Variants in TECTA observed in about 807,000 individuals in gnomAD.
TECTA encodes the protein tectorin alpha.
In TECTA, 128 loss-of-function variants were observed where a neutral mutation model predicts 216.8. The ratio of observed to expected loss-of-function variants is 0.59; its 90% confidence interval spans 0.51 to 0.68. The LOEUF (loss-of-function observed/expected upper bound fraction) is 0.68. TECTA is among the 30% of genes least tolerant of loss of function. The probability of loss-of-function intolerance (pLI) is 0.00; values close to 1 mark genes in which losing one functional copy is unlikely to be tolerated. For missense variants in TECTA, 2,551 were observed against 2,786.2 expected (o/e 0.92, Z 1.90); for synonymous variants, 1,089 against 1,117.1 (o/e 0.97, Z 0.50).
chr11:121,151,338 G>A (rs1335742857), intron 12 of TECTA, among the ~76,000 whole-genome samples: 2 of 152,140 alleles, frequency 1.3e-5, no homozygotes, highest in South Asian at 2.1e-4. Flanking sequence ...TGAGGGCAAA[G>A]GTATACATAC....
Position 121,166,755 on chromosome 11 carries a change from A to G in TECTA, c.5561A>G (p.Lys1854Arg). 2 of 1,614,116 alleles carry G rather than the reference A, an allele frequency of 1.2e-6. No individual in the cohort carries two copies. Among genetic ancestry groups the G allele is most frequent in the Non-Finnish European group, 8.5e-7 (1 of 1,179,998 alleles). ...DFISFQINNT[K>R]GNCGNIVQSN... is the part of the protein sequence containing the mutation. ...ATCTCCTTTCAGATCAACAACACCA[A>G]AGGGAATTGTGGAAACATTGTGCAG... Residue 1854 changes from lysine to arginine, a missense_variant, in exon 18 of 24, where the codon AAA becomes AGA. Lys to Arg is a conservative substitution (Grantham distance 26). This residue lies in a region of TECTA where 2,375 missense variants were observed against 2,563.9 expected (regional missense o/e 0.93). Transcript: ENST00000392793.
At chr11:121,178,330 C>A (rs1443470395) in intron 20 of TECTA, among the ~76,000 whole-genome samples, 2 of 152,146 alleles carry the variant, frequency 1.3e-5, no homozygotes, top group Non-Finnish European at 2.9e-5. Context: ...GGCTCCCAAC[C>A]GTTCTATTGT....
chr11:121,161,328 A>G (rs1051336705), intron 15 of TECTA, among the ~76,000 whole-genome samples: 1 of 152,274 alleles, frequency 6.6e-6, no homozygotes, highest in East Asian at 1.9e-4. Context: ...TGGCAAAGCC[A>G]GGACTAGATT....
At chr11:121,121,519 C>T (rs990330805) in intron 7 of TECTA, among the ~76,000 whole-genome samples, 8 of 152,156 alleles carry the variant, frequency 5.3e-5, no homozygotes, top group African/African-American at 1.7e-4. Flanking sequence ...GCTCTAAGCA[C>T]TGTGGGACAC....
Position 121,127,817 on chromosome 11 carries a change from T to C in TECTA, c.1840T>C (p.Cys614Arg). 1.2e-6 allele frequency: 2 copies of C among 1,614,184 alleles called. No individual in the cohort carries two copies. The highest frequency in any genetic ancestry group is 1.7e-6 in the Non-Finnish European group (2 of 1,180,038). ...SVCTSSCPDT[C>R]SDLTASRNCA... The stretch of plus-strand genomic sequence containing the variant: ...GTGCACAAGCAGCTGCCCCGACACA[T>C]GCTCCGACCTGACGGCCTCGCGGAA... The change falls in exon 9 of 24, where the codon TGC becomes CGC. Residue 614 changes from cysteine (C) to arginine (R), a missense_variant. This residue lies in a region of TECTA where 2,375 missense variants were observed against 2,563.9 expected (regional missense o/e 0.93). Transcript: ENST00000392793. The surrounding 1 kb of genome is among the most constrained non-coding windows in gnomAD (Gnocchi z 5.0).
intron 12 of TECTA, among the ~76,000 whole-genome samples, chr11:121,152,078 G>A (rs565825014): frequency 3.3e-5 from 5 of 152,332 alleles, no homozygotes; most frequent in African/African-American, 9.6e-5. Flanking sequence ...CAGAGAGCCC[G>A]AGTGACGCTC....
At chr11:121,161,540 T>TTC (rs1946998426) in intron 15 of TECTA, among the ~76,000 whole-genome samples, 2 of 4,692 alleles carry the variant, frequency 4.3e-4, no homozygotes, top group African/African-American at 6.1e-4. Flanking sequence ...CTTCCCTCCC[T>TTC]CCTTCCCTTC....
At chr11:121,158,349 A>G in intron 14 of TECTA, 125 bp downstream of exon 14, 1 of 1,309,406 alleles carries the variant, frequency 7.6e-7, no homozygotes, top group Non-Finnish European at 1.1e-6. Context: ...TGTTCCACAC[A>G]CAGTGACCAG....
rs150120329 is a variant in TECTA at position 121,167,749 on chromosome 11, A to G, written c.5587-305A>G. 2.2e-4 allele frequency among the ~76,000 whole-genome samples: 34 copies of G among 152,346 alleles called. No individual in the cohort carries two copies. In the East Asian group the frequency reaches 5.0e-3, roughly 22 times the overall value. ...TATTACCCAGCAATGGCAATAGTTC[A>G]TGCTATTCCTAGCTTGGGGTCCCAC... On this transcript the variant is annotated intron_variant, in intron 18 of 23. Coordinates refer to ENST00000392793, the MANE Select transcript of TECTA (RefSeq NM_005422.4).
chr11:121,157,773 G>T, intron 13 of TECTA, 68 bp from the exon 14 acceptor site: 1 of 1,609,700 alleles, frequency 6.2e-7, no homozygotes, highest in South Asian at 1.1e-5. Flanking sequence ...AGACGAGGGG[G>T]ACTGGGCTTT....
intron 8 of TECTA, 33 bp downstream of exon 8, chr11:121,125,905 C>T (rs1946607011): frequency 6.3e-7 from 1 of 1,599,004 alleles, no homozygotes; most frequent in Non-Finnish European, 8.5e-7. Context: ...TGACAGGTCT[C>T]TCTTGTGCAG....
At chr11:121,115,452 A>T (rs1234783873) in intron 6 of TECTA, among the ~76,000 whole-genome samples, 1 of 152,220 alleles carries the variant, frequency 6.6e-6, no homozygotes, top group African/African-American at 2.4e-5. Context: ...AAGACATATT[A>T]TGGTAGACAC....
chr11:121,128,233 C>G lies in TECTA; in HGVS notation c.2256C>G (p.Ile752Met). ...TCPERPEYLE[I>M]DINKKKPDAG... ...CTGAGCGCCCAGAGTACTTGGAAAT[C>G]GACATCAACAAGAAGAAGCCCGATG... The change falls in exon 9 of 24, where the codon ATC (isoleucine) becomes ATG (methionine). Residue 752 changes from isoleucine (I) to methionine (M), a missense_variant. Ile to Met is a conservative substitution (Grantham distance 10). Transcript: ENST00000392793. 1 of 1,601,314 alleles carries G rather than the reference C, an allele frequency of 6.2e-7. No homozygotes were observed. Among genetic ancestry groups the G allele is most frequent in the African/African-American group, 1.3e-5 (1 of 74,994 alleles).
chr11:121,134,425 A>G (rs1439695336), intron 10 of TECTA, among the ~76,000 whole-genome samples: 1 of 151,906 alleles, frequency 6.6e-6, no homozygotes, highest in Non-Finnish European at 1.5e-5. Context: ...AGTGGTTGTC[A>G]TCTCAGAAGG....
chr11:121,130,307 C>T lies in TECTA; in HGVS notation c.2941+96C>T, dbSNP rs925312784. 7 of 1,390,462 alleles carry T rather than the reference C, an allele frequency of 5.0e-6. No homozygotes were observed. In the African/African-American group the frequency reaches 1.0e-4, roughly 20 times the overall value. 86.1% of individuals were successfully genotyped at this position (1,390,462 alleles called of 1,614,324 possible). ...GACTTCCCTTCCAGGTGGGACTGAG[C>T]TCAAGGGTGATGTTAATTACTGTGT... On this transcript the variant is annotated intron_variant, in intron 10 of 23. Coordinates refer to ENST00000392793, the MANE Select transcript of TECTA (RefSeq NM_005422.4).
intron 10 of TECTA, among the ~76,000 whole-genome samples, chr11:121,131,366 G>C (rs977784013): frequency 6.6e-6 from 1 of 152,034 alleles, no homozygotes; most frequent in African/African-American, 2.4e-5. Flanking sequence ...TCAGATTCCC[G>C]AATCGTTAAC....
chr11:121,187,353 G>A (rs1290036874), intron 20 of TECTA, among the ~76,000 whole-genome samples: 2 of 152,200 alleles, frequency 1.3e-5, no homozygotes, highest in Non-Finnish European at 2.9e-5. Context: ...AGCTCACCCC[G>A]ACTGGTCTTC....
chr11:121,111,770 C>T (rs1385190704), intron 4 of TECTA, among the ~76,000 whole-genome samples: 2 of 152,236 alleles, frequency 1.3e-5, no homozygotes, highest in African/African-American at 4.8e-5. Context: ...CTTGAGCCTA[C>T]TGCTCACTCA....
In TECTA at chr11:121,165,317, C is replaced by T. The variant is rs773854426; in HGVS notation, c.5317C>T (p.Arg1773Ter). Residue 1773 changes from arginine (R) to a stop codon, truncating the protein, a stop_gained, in exon 17 of 24, where the codon CGA becomes TGA. Coordinates refer to ENST00000392793, the MANE Select transcript of TECTA (RefSeq NM_005422.4). LOFTEE classifies it high-confidence loss of function. ...CTGTGTGGGGGCGGACTGTCCCAAC[C>T]GAACTTGCGAGCTGGGCAATGGCAG... ...DPCVGADCPN[R>*]TCELGNGREL... The T allele has an allele frequency of 3.7e-6, 6 of 1,608,580 alleles. No homozygotes were observed. The highest frequency in any genetic ancestry group is 2.2e-5 in the East Asian group (1 of 44,820).
Sources: allele counts gnomAD v4.1 joint callset (sites outside exome capture counted in the v4.1 genomes callset), GRCh38; gene constraint gnomAD v4.1.1; regional missense constraint gnomAD v4.1.1; non-coding constraint Gnocchi (gnomAD v3.1); transcripts MANE v1.5; gene names NCBI Gene and HGNC (gene_info 2026-07-23, HGNC 2026-07-21).